The following FAM178B variants were observed in gnomAD, a reference collection of about 807,000 sequenced individuals.
FAM178B encodes family with sequence similarity 178 member B.
FAM178B carries 82 observed loss-of-function variants against 91.7 expected under a neutral mutation model. That is an observed-to-expected ratio of 0.89 (90% CI 0.75 to 1.07). The LOEUF is 1.07. Among genes scored for constraint, FAM178B ranks in the 50% least tolerant of loss-of-function variants. The pLI is 0.00. For missense variants in FAM178B, 769 were observed against 846.7 expected, an observed-to-expected ratio of 0.91 and a Z score of 1.14; for synonymous variants, 368 against 359.4, an observed-to-expected ratio of 1.02 and a Z score of -0.27.
intron 1 of FAM178B, among the ~76,000 whole-genome samples, chr2:96,980,100 GTCTC>G (rs780980590): frequency 6.6e-6 from 1 of 152,096 alleles, no homozygotes; most frequent in African/African-American, 2.4e-5. Context: ...TTGAGACAGA[GTCTC>G]TCTCTGTCAC....
chr2:96,878,010 G>C lies in FAM178B; in HGVS notation c.1887C>G (p.Asp629Glu). 6.2e-7 allele frequency: 1 copy of C among 1,612,180 alleles called. No homozygotes were observed. The highest frequency in any genetic ancestry group is 8.5e-7 in the Non-Finnish European group (1 of 1,180,026). The part of the protein sequence containing the change: ...GELQLLCMQL[D>E]RHISTQIRES... ...CCCGGATCTGCGTGCTGATGTGGCG[G>C]TCCAACTGCATGCACAGCAGCTGCA... Residue 629 changes from aspartate (D) to glutamate (E), a missense_variant, in exon 16 of 17, where the codon GAC (aspartate) becomes GAG (glutamate). By Grantham distance (45) the Asp-to-Glu change is conservative. Transcript: ENST00000490605.
intron 14 of FAM178B, among the ~76,000 whole-genome samples, chr2:96,887,826 GGA>G (rs1460072746): frequency 6.6e-6 from 1 of 152,340 alleles, no homozygotes; most frequent in Admixed American, 6.5e-5. Flanking sequence ...ACTTGCCTAG[GGA>G]GAGAGGCCCC....
intron 9 of FAM178B, among the ~76,000 whole-genome samples, chr2:96,926,347 C>T (rs1250387263): frequency 1.3e-5 from 2 of 152,128 alleles, no homozygotes. Flanking sequence ...CTTCTGGCAC[C>T]AGGAAACAGC....
intron 8 of FAM178B, among the ~76,000 whole-genome samples, chr2:96,938,751 C>A (rs1386609978): frequency 6.6e-6 from 1 of 152,244 alleles, no homozygotes; most frequent in African/African-American, 2.4e-5. Context: ...TTGGGAGAGA[C>A]AATATTAATC....
chr2:96,966,218 C>T (rs1559101329), intron 5 of FAM178B, among the ~76,000 whole-genome samples: 1 of 152,126 alleles, frequency 6.6e-6, no homozygotes, highest in Non-Finnish European at 1.5e-5. Context: ...CTGGCTCTCA[C>T]CTCCTCGAGG....
rs2082227649 is a variant in FAM178B at position 96,972,066 on chromosome 2, C to T, written c.399G>A (p.Arg133=). 1.9e-6 allele frequency: 3 copies of T among 1,545,250 alleles called. No homozygotes were observed. Among genetic ancestry groups the T allele is most frequent in the East Asian group, 2.4e-5 (1 of 40,926 alleles). The change falls in exon 3 of 17, where the codon AGG becomes AGA. Residue 133 remains arginine, a synonymous_variant. Transcript: ENST00000490605. Reference sequence around the variant, plus strand: ...CCTGGGGGCCCACCACACCCACCCACCTCTGGGCCGGGGCCTCCCGACTGG... The same window carrying T: ...CCTGGGGGCCCACCACACCCACCCATCTCTGGGCCGGGGCCTCCCGACTGG... ...LQASREAPAQ[R]WVGVVGPQGL... is the part of the protein sequence containing the mutation.
chr2:96,966,503 T>C (rs960462446), intron 5 of FAM178B, among the ~76,000 whole-genome samples: 3 of 71,794 alleles, frequency 4.2e-5, no homozygotes, highest in Non-Finnish European at 1.0e-4. Context: ...GCTGAAGCAG[T>C]GGGAAGGCAG....
chr2:96,978,015 C>A, intron 1 of FAM178B: 1 of 411,170 alleles, frequency 2.4e-6, no homozygotes, highest in Admixed American at 2.9e-5. Flanking sequence ...AACGTCATTG[C>A]TAACGGAAAA....
At chr2:96,901,425 C>T (rs984849006) in intron 13 of FAM178B, among the ~76,000 whole-genome samples, 29 of 152,160 alleles carry the variant, frequency 1.9e-4, no homozygotes, top group East Asian at 1.5e-3. Context: ...CCGCCCACCT[C>T]GGCCTCCCAA....
chr2:96,891,523 C>T (rs1156700382), intron 14 of FAM178B, among the ~76,000 whole-genome samples: 2 of 149,936 alleles, frequency 1.3e-5, no homozygotes, highest in East Asian at 2.1e-4. Context: ...TGGATTCATT[C>T]GTTCACCTAG....
At chr2:96,947,707 G>A (rs184213011) in intron 8 of FAM178B, 111 bp downstream of exon 8, 3 of 642,410 alleles carry the variant, frequency 4.7e-6, no homozygotes, top group East Asian at 5.5e-5. Flanking sequence ...CACCCTGGAT[G>A]CAATGTCCCA....
intron 12 of FAM178B, among the ~76,000 whole-genome samples, chr2:96,919,666 G>A (rs2081300454): frequency 6.6e-6 from 1 of 152,090 alleles, no homozygotes. Flanking sequence ...AGGCAGGGTC[G>A]GCCTCTCCAT....
intron 14 of FAM178B, among the ~76,000 whole-genome samples, chr2:96,890,048 G>A (rs2153368201): frequency 6.6e-6 from 1 of 151,966 alleles, no homozygotes; most frequent in East Asian, 1.9e-4. Flanking sequence ...GGCCGAGGTG[G>A]GCAGATCACC....
At chr2:96,880,655 C>T (rs529931574) in intron 14 of FAM178B, among the ~76,000 whole-genome samples, 19 of 151,908 alleles carry the variant, frequency 1.3e-4, no homozygotes, top group Non-Finnish European at 2.2e-4. Flanking sequence ...AGTGCAGTGG[C>T]GCAATCTCCG....
intron 14 of FAM178B, among the ~76,000 whole-genome samples, chr2:96,887,108 G>C (rs1022225634): frequency 3.3e-5 from 5 of 152,068 alleles, no homozygotes; most frequent in Admixed American, 3.3e-4. Flanking sequence ...CCAGCTACTC[G>C]GGAGGTTGAG....
At chr2:96,924,907 G>T (rs544465766) in intron 9 of FAM178B, among the ~76,000 whole-genome samples, 77 of 152,154 alleles carry the variant, frequency 5.1e-4, no homozygotes, top group African/African-American at 1.7e-3. Context: ...TGGCACTGGC[G>T]CTGGGCTCAG....
intron 8 of FAM178B, among the ~76,000 whole-genome samples, chr2:96,940,549 C>T (rs779444830): frequency 6.6e-6 from 1 of 152,208 alleles, no homozygotes; most frequent in Non-Finnish European, 1.5e-5. Context: ...ACCCTCCCCA[C>T]CCACAGCCCA....
At position 96,969,685 on chromosome 2, in the gene FAM178B, G is replaced by C. The variant is rs1389706124; in HGVS notation, c.626+1031C>G. On this transcript the variant is annotated intron_variant, in intron 4 of 16. Coordinates refer to ENST00000490605, the MANE Select transcript of FAM178B (RefSeq NM_001122646.3). ...GGCACCGTGGAAATATATAGGCATG[G>C]TCCCTTCCCTAACGTACAATCTAAT... Among the ~76,000 whole-genome samples, 4 of 152,312 alleles carry C rather than the reference G, an allele frequency of 2.6e-5. No individual in the cohort carries two copies. In the South Asian group the frequency reaches 6.2e-4, roughly 24 times the overall value.
At chr2:96,908,133 T>C (rs1227549955) in intron 12 of FAM178B, among the ~76,000 whole-genome samples, 1 of 152,156 alleles carries the variant, frequency 6.6e-6, no homozygotes, top group Non-Finnish European at 1.5e-5. Flanking sequence ...AAGCTGGTTG[T>C]CCCTCCCGGG....
Sources: allele counts gnomAD v4.1 joint callset (sites outside exome capture counted in the v4.1 genomes callset), GRCh38; gene constraint gnomAD v4.1.1; transcripts MANE v1.5; gene names NCBI Gene and HGNC (gene_info 2026-07-23, HGNC 2026-07-21).